Variants in CHSY1 observed in about 807,000 individuals in gnomAD.
CHSY1 encodes the protein chondroitin sulfate synthase 1.
A neutral mutation model predicts 59.8 loss-of-function variants in CHSY1; 13 were observed. The ratio of observed to expected loss-of-function variants is 0.22; its 90% CI spans 0.14 to 0.35. CHSY1 has a LOEUF of 0.35. Ranked by LOEUF, CHSY1 falls within the 10% of genes least tolerant of loss-of-function variation. The probability of loss-of-function intolerance (pLI) is 1.00; values close to 1 mark genes in which losing one functional copy is unlikely to be tolerated. For synonymous variants in CHSY1, 459 were observed against 401.2 expected (o/e 1.14, Z -1.72); for missense variants, 947 against 1,030.6 (o/e 0.92, Z 1.11).
chr15:101,250,471 G>A (rs1441213954), intron 1 of CHSY1, among the ~76,000 whole-genome samples: 3 of 152,174 alleles, frequency 2.0e-5, no homozygotes, highest in East Asian at 1.9e-4. Context: ...CTAGAGCCCA[G>A]TTACTGGATA....
intron 2 of CHSY1, among the ~76,000 whole-genome samples, chr15:101,205,169 C>T (rs951202660): frequency 2.0e-5 from 3 of 151,582 alleles, no homozygotes; most frequent in Admixed American, 1.3e-4. Flanking sequence ...TTAAAGTAAT[C>T]AACATGGCAA....
chr15:101,179,216 C>A (rs1228391313), intron 2 of CHSY1, among the ~76,000 whole-genome samples: 1 of 152,138 alleles, frequency 6.6e-6, no homozygotes, highest in Non-Finnish European at 1.5e-5. Flanking sequence ...CACAGGCAAA[C>A]AGAATTATGA....
At chr15:101,240,073 T>C (rs2038987367) in intron 1 of CHSY1, among the ~76,000 whole-genome samples, 1 of 152,224 alleles carries the variant, frequency 6.6e-6, no homozygotes, top group Non-Finnish European at 1.5e-5. Context: ...ATCTGTTCCT[T>C]TTTAGGTAAC....
At chr15:101,205,683 G>A (rs1289218075) in intron 2 of CHSY1, among the ~76,000 whole-genome samples, 1 of 152,236 alleles carries the variant, frequency 6.6e-6, no homozygotes, top group South Asian at 2.1e-4. Context: ...CGGGCGTGGT[G>A]GCTCACACCT....
chr15:101,191,365 C>G (rs983367112), intron 2 of CHSY1, among the ~76,000 whole-genome samples: 1 of 152,112 alleles, frequency 6.6e-6, no homozygotes, highest in African/African-American at 2.4e-5. Flanking sequence ...TAAAACAAAA[C>G]AAGGCAAAAC....
chr15:101,245,999 T>C (rs1005899429), intron 1 of CHSY1, among the ~76,000 whole-genome samples: 1 of 152,244 alleles, frequency 6.6e-6, no homozygotes, highest in Non-Finnish European at 1.5e-5. Context: ...ATTTATAAGA[T>C]AGGAGGATCT....
chr15:101,215,650 G>T (rs967001982), intron 2 of CHSY1, among the ~76,000 whole-genome samples: 1 of 152,206 alleles, frequency 6.6e-6, no homozygotes, highest in African/African-American at 2.4e-5. Context: ...CAGGAGAATC[G>T]CTTGAACCTG....
chr15:101,207,678 C>G (rs1272370447), intron 2 of CHSY1, among the ~76,000 whole-genome samples: 1 of 152,182 alleles, frequency 6.6e-6, no homozygotes, highest in African/African-American at 2.4e-5. Flanking sequence ...ATATACTATC[C>G]AAGCAAATAT....
intron 2 of CHSY1, among the ~76,000 whole-genome samples, chr15:101,213,631 T>TA (rs1405060023): frequency 6.6e-6 from 1 of 152,180 alleles, no homozygotes; most frequent in Non-Finnish European, 1.5e-5. Context: ...ATAGCTGACA[T>TA]AGAGACCCAA....
chr15:101,213,569 C>A (rs556037551), intron 2 of CHSY1, among the ~76,000 whole-genome samples: 3 of 152,288 alleles, frequency 2.0e-5, no homozygotes, highest in Admixed American at 6.5e-5. Flanking sequence ...TGCTACCTGA[C>A]AAAATACTGC....
chr15:101,245,063 A>G (rs1048096333), intron 1 of CHSY1, among the ~76,000 whole-genome samples: 1 of 152,058 alleles, frequency 6.6e-6, no homozygotes, highest in Non-Finnish European at 1.5e-5. Flanking sequence ...TACTTGACCA[A>G]CTCTAGCCAC....
chr15:101,200,881 C>T (rs929845565), intron 2 of CHSY1, among the ~76,000 whole-genome samples: 2 of 152,186 alleles, frequency 1.3e-5, no homozygotes, highest in Non-Finnish European at 2.9e-5. Context: ...ATTCCAGCCA[C>T]CCCTCCTCCC....
intron 1 of CHSY1, among the ~76,000 whole-genome samples, chr15:101,239,344 T>C (rs1402532727): frequency 6.6e-6 from 1 of 152,200 alleles, no homozygotes; most frequent in Non-Finnish European, 1.5e-5. Context: ...TAATGTTATT[T>C]GGGAGATGGG....
At chr15:101,204,448 A>AATAATAATAAT (rs777194417) in intron 2 of CHSY1, among the ~76,000 whole-genome samples, 8 of 148,986 alleles carry the variant, frequency 5.4e-5, no homozygotes, top group South Asian at 2.1e-4. Context: ...TAATAATAAT[A>AATAATAATAAT]ATAATAATAA....
At chr15:101,208,270 T>C (rs1464350809) in intron 2 of CHSY1, among the ~76,000 whole-genome samples, 1 of 152,136 alleles carries the variant, frequency 6.6e-6, no homozygotes, top group Non-Finnish European at 1.5e-5. Context: ...ACAGTCTAGA[T>C]CTTGGCTTCT....
At chr15:101,249,812 G>A (rs938751189) in intron 1 of CHSY1, among the ~76,000 whole-genome samples, 3 of 152,140 alleles carry the variant, frequency 2.0e-5, no homozygotes, top group African/African-American at 4.8e-5. Context: ...ACGGCGCCCC[G>A]CCTGCATTAG....
chr15:101,189,707 T>C (rs1242296176), intron 2 of CHSY1: 1 of 152,458 alleles, frequency 6.6e-6, no homozygotes, highest in East Asian at 1.9e-4. Context: ...TACACCTGAC[T>C]TTTTGTAGAA....
At position 101,225,571 on chromosome 15, in the gene CHSY1, A is replaced by C. The variant is rs192411807; in HGVS notation, c.816+9511T>G. Among the ~76,000 whole-genome samples the C allele has an allele frequency of 3.7e-3, 557 of 152,140 alleles. 8 individuals carry two copies. The highest frequency in any genetic ancestry group is 1.7e-3 in the Non-Finnish European group (115 of 67,996). On this transcript the variant is annotated intron_variant, in intron 2 of 2. Transcript: ENST00000254190. The stretch of plus-strand genomic sequence containing the variant: ...GGTGCTGTCCTCCTAACAGTGAGTT[A>C]GTTCAAGATCTGGTTGTTTAAACAT...
chr15:101,251,145 G>A lies in CHSY1; in HGVS notation c.312C>T (p.Ala104=). ...AQKYLQTRAV[A]AYRTWSKTIP... is the part of the protein sequence containing the mutation. ...GGGGAGCAGGGGCTCACCTGTAGGC[G>A]GCCACGGCCCGAGTCTGCAGGTATT... The change falls in exon 1 of 3, where the codon GCC becomes GCT. Residue 104 remains alanine, a synonymous_variant. Transcript: ENST00000254190. The A allele has an allele frequency of 3.1e-6, 5 of 1,588,030 alleles. No homozygotes were observed. The highest frequency in any genetic ancestry group is 4.3e-6 in the Non-Finnish European group (5 of 1,171,482).
Sources: gnomAD v4.1 joint callset for allele counts (sites outside exome capture counted in the v4.1 genomes callset) on GRCh38, gnomAD v4.1.1 for gene constraint, MANE v1.5 for transcripts, NCBI Gene and HGNC (gene_info 2026-07-23, HGNC 2026-07-21) for gene names.